PHF10: variants seen among roughly 807,000 people sequenced by gnomAD.
PHF10 encodes the protein BRG1-associated factor 45a.
PHF10 carries 51 observed loss-of-function variants against 68.5 expected under a neutral mutation model. That is an observed-to-expected ratio of 0.74 (90% CI 0.59 to 0.94). The LOEUF (loss-of-function observed/expected upper bound fraction) is 0.94. PHF10 is among the 40% of genes least tolerant of loss of function. The probability of loss-of-function intolerance (pLI) is 0.00; values close to 1 mark genes in which losing one functional copy is unlikely to be tolerated. For synonymous variants in PHF10, 204 were observed against 203.5 expected (o/e 1.00, Z -0.02); for missense variants, 460 against 602.6 (o/e 0.76, Z 2.48).
intron 1 of PHF10, among the ~76,000 whole-genome samples, chr6:169,723,434 G>A (rs1789228869): frequency 6.6e-6 from 1 of 152,214 alleles, no homozygotes; most frequent in African/African-American, 2.4e-5. Context: ...TCGCCACTCG[G>A]TTTTTGCAGT....
At chr6:169,720,534 A>G (rs1202330535) in intron 2 of PHF10, among the ~76,000 whole-genome samples, 1 of 152,248 alleles carries the variant, frequency 6.6e-6, no homozygotes, top group Non-Finnish European at 1.5e-5. Flanking sequence ...AAGTTCTAAG[A>G]GAAATAAGCC....
At position 169,715,688 on chromosome 6, in the gene PHF10, C is replaced by A; in HGVS notation, c.693+20G>T. 6.2e-7 allele frequency: 1 copy of A among 1,605,302 alleles called. No homozygotes were observed. Among genetic ancestry groups the A allele is most frequent in the Non-Finnish European group, 8.5e-7 (1 of 1,175,378 alleles). On this transcript the variant is annotated intron_variant, in intron 6 of 11. Transcript: ENST00000339209. Reference sequence around the variant, plus strand: ...AGTAATAAACTAAGTTCAGGGGGTACTAAATTTAAGTTATCCTACATGTGT... The same window carrying A: ...AGTAATAAACTAAGTTCAGGGGGTAATAAATTTAAGTTATCCTACATGTGT...
chr6:169,723,859 C>T lies in PHF10; in HGVS notation c.73G>A (p.Ala25Thr). The change falls in exon 1 of 12, where the codon GCG becomes ACG. Residue 25 changes from alanine to threonine, a missense_variant. Ala to Thr is a moderately conservative substitution (Grantham distance 58, BLOSUM62 0). Transcript: ENST00000339209. ...CGCTTCCTCACCTTCGGGGACTGCG[C>T]TCCGGGGGTGGCTGGGTCGCTGTCG... ...PCDSDPATPG[A>T]QSPKDDNEDN... is the part of the protein sequence containing the mutation. 1.8e-6 allele frequency: 2 copies of T among 1,094,948 alleles called. No individual in the cohort carries two copies. Among genetic ancestry groups the T allele is most frequent in the Non-Finnish European group, 1.1e-6 (1 of 893,114 alleles). The allele number at this position is 1,094,948 out of a possible 1,614,324, so 67.8% of individuals were successfully genotyped here.
At chr6:169,720,933 G>A (rs1447045209) in intron 2 of PHF10, 72 bp downstream of exon 2, 4 of 751,440 alleles carry the variant, frequency 5.3e-6, no homozygotes, top group Middle Eastern at 3.7e-4. Flanking sequence ...CAGAGCTGGG[G>A]GAAAGGGAAG....
intron 4 of PHF10, among the ~76,000 whole-genome samples, chr6:169,717,297 T>C (rs534474815): frequency 1.1e-4 from 16 of 152,116 alleles, no homozygotes; most frequent in Non-Finnish European, 2.2e-4. Flanking sequence ...AGAATAGAGG[T>C]TGATCCTTGA....
At chr6:169,714,186 G>C (rs1453367653) in intron 7 of PHF10, among the ~76,000 whole-genome samples, 1 of 152,118 alleles carries the variant, frequency 6.6e-6, no homozygotes, top group Non-Finnish European at 1.5e-5. Context: ...TAGGAGATAA[G>C]TAACATTTAG....
Position 169,717,839 on chromosome 6 carries a change from T to C in PHF10, c.393A>G (p.Glu131=), listed in dbSNP as rs1230134654. 1 of 1,523,018 alleles carries C rather than the reference T, an allele frequency of 6.6e-7. No individual in the cohort carries two copies. Among genetic ancestry groups the C allele is most frequent in the African/African-American group, 1.4e-5 (1 of 73,154 alleles). The allele number at this position is 1,523,018 out of a possible 1,614,324, so 94.3% of individuals were successfully genotyped here. Residue 131 remains glutamate, a synonymous_variant, in exon 4 of 12, where the codon GAA becomes GAG. Transcript: ENST00000339209. ...LYLRELNVIT[E]TQCTLGLTAL... is the part of the protein sequence containing the mutation. ...TATTCTTACCTAGAGTGCACTGAGT[T>C]TCAGTAATGACATTTAGCTCTCTCA...
intron 1 of PHF10, among the ~76,000 whole-genome samples, chr6:169,723,169 C>T (rs1409620127): frequency 1.3e-5 from 2 of 152,218 alleles, no homozygotes; most frequent in Non-Finnish European, 2.9e-5. Context: ...AATCCAATTT[C>T]AAGCTTCCAG....
intron 8 of PHF10, among the ~76,000 whole-genome samples, chr6:169,712,105 A>G (rs1363799607): frequency 6.6e-6 from 1 of 152,246 alleles, no homozygotes; most frequent in African/African-American, 2.4e-5. Flanking sequence ...TTTAAGCTAA[A>G]GAGACAGCAA....
chr6:169,721,133 A>T lies in PHF10; in HGVS notation c.88-22T>A, dbSNP rs536580273. On this transcript the variant is annotated intron_variant, in intron 1 of 11. Transcript: ENST00000339209. ...CATCCTATACATTTAAAAGATTCAA[A>T]AATAATAATTAGAGAAAGAATAAAA... The T allele has an allele frequency of 8.0e-6, 10 of 1,248,344 alleles. No individual in the cohort carries two copies. In the South Asian group the frequency reaches 1.2e-4, roughly 15 times the overall value. 77.3% of individuals were successfully genotyped at this position (1,248,344 alleles called of 1,614,324 possible).
intron 2 of PHF10, among the ~76,000 whole-genome samples, chr6:169,720,467 T>C (rs1201177990): frequency 6.6e-6 from 1 of 152,126 alleles, no homozygotes; most frequent in Non-Finnish European, 1.5e-5. Context: ...TTATTCAGCC[T>C]TAAAAACAGA....
intron 7 of PHF10, among the ~76,000 whole-genome samples, chr6:169,713,820 G>T (rs1264142691): frequency 6.6e-6 from 1 of 152,010 alleles, no homozygotes; most frequent in Non-Finnish European, 1.5e-5. Context: ...TGAAGTAAAA[G>T]CTGAGACTTT....
At chr6:169,722,791 C>T (rs966760440) in intron 1 of PHF10, among the ~76,000 whole-genome samples, 1 of 152,160 alleles carries the variant, frequency 6.6e-6, no homozygotes, top group Non-Finnish European at 1.5e-5. Flanking sequence ...AGGTGGTTTC[C>T]AACTACAGAT....
rs763331452 is a variant in PHF10 at position 169,705,702 on chromosome 6, A to G, written c.1136T>C (p.Ile379Thr). ...CTTACCCTTCAGACAAATTCCACAT[A>G]TAGCATTTGGAATGACCTTTGGCTG... ...GYKPKVIPNA[I>T]CGICLKGKES... The change falls in exon 10 of 12, where the codon ATA becomes ACA. Residue 379 changes from isoleucine to threonine, a missense_variant. Ile to Thr is a moderately conservative substitution (Grantham distance 89, BLOSUM62 -1). Around this residue, in one of 3 missense-constraint regions of PHF10, gnomAD observed 256 missense variants for 410.5 expected, o/e 0.62. Coordinates refer to ENST00000339209, the MANE Select transcript of PHF10 (RefSeq NM_018288.4). The G allele has an allele frequency of 6.3e-7, 1 of 1,579,264 alleles. No individual in the cohort carries two copies. Among genetic ancestry groups the G allele is most frequent in the Non-Finnish European group, 8.7e-7 (1 of 1,148,276 alleles).
rs1371318181 is a variant in PHF10, at chr6:169,724,227, T to G, written c.-296A>C. ...GGAGGAGGCCCAGCGGCGGCGGCGC[T>G]TCTCACGTCAGCCCAACCCGCCCGG... On this transcript the variant is annotated 5_prime_UTR_variant, in exon 1 of 12. Transcript: ENST00000339209. 6.9e-6 allele frequency among the ~76,000 whole-genome samples: 1 copy of G among 144,158 alleles called. No individual in the cohort carries two copies. The highest frequency in any genetic ancestry group is 1.5e-5 in the Non-Finnish European group (1 of 65,300). The allele number at this position is 144,158 out of a possible 152,430, so 94.6% of individuals were successfully genotyped here. A position where few individuals can be genotyped will look rare whatever the true frequency, so the allele number is the denominator to read the frequency against.
intron 8 of PHF10, among the ~76,000 whole-genome samples, chr6:169,710,716 C>T (rs995691492): frequency 2.0e-5 from 3 of 151,992 alleles, no homozygotes; most frequent in Admixed American, 6.6e-5. Flanking sequence ...CATCATTTTC[C>T]GTCACAAGGG....
chr6:169,719,650 T>C (rs1282101650), intron 2 of PHF10, among the ~76,000 whole-genome samples: 1 of 152,128 alleles, frequency 6.6e-6, no homozygotes, highest in Non-Finnish European at 1.5e-5. Flanking sequence ...TGCAAAAGTA[T>C]AAAATTGGAC....
rs1346701648 is a variant in PHF10 at position 169,724,280 on chromosome 6, C to A, written c.-349G>T. Among the ~76,000 whole-genome samples the A allele has an allele frequency of 6.8e-6, 1 of 146,266 alleles. No homozygotes were observed. Among genetic ancestry groups the A allele is most frequent in the Non-Finnish European group, 1.5e-5 (1 of 65,764 alleles). ...GCGGCCACCGCCTCAGCACCGTTGC[C>A]CCCCACAGCTCCGCCGCTGGCCTCA... On this transcript the variant is annotated 5_prime_UTR_variant, in exon 1 of 12. Coordinates refer to ENST00000339209, the MANE Select transcript of PHF10 (RefSeq NM_018288.4).
intron 1 of PHF10, 127 bp from the exon 2 acceptor site, chr6:169,721,238 G>T: frequency 1.8e-6 from 1 of 550,782 alleles, no homozygotes; most frequent in Non-Finnish European, 3.2e-6. Context: ...ATAATTAAAA[G>T]GGTCCAAGAG....
Sources: gnomAD v4.1 joint callset for allele counts (sites outside exome capture counted in the v4.1 genomes callset) on GRCh38, gnomAD v4.1.1 for gene constraint, gnomAD v4.1.1 regional missense constraint, MANE v1.5 for transcripts, NCBI Gene and HGNC (gene_info 2026-07-23, HGNC 2026-07-21) for gene names.